The following ANAPC10 variants were observed in gnomAD, a reference collection of about 807,000 sequenced individuals.
ANAPC10 encodes the protein anaphase promoting complex subunit 10.
In ANAPC10, 12 loss-of-function variants were observed where a neutral mutation model predicts 22.0. That is an observed-to-expected ratio of 0.55 (90% CI 0.35 to 0.88). The LOEUF (loss-of-function observed/expected upper bound fraction) is 0.88, where lower values mean the gene tolerates loss of function less well. Among genes scored for constraint, ANAPC10 ranks in the 40% least tolerant of loss-of-function variants. The probability of loss-of-function intolerance (pLI) is 0.01; values close to 1 mark genes in which losing one functional copy is unlikely to be tolerated. For synonymous variants in ANAPC10, 65 were observed against 69.5 expected, an observed-to-expected ratio of 0.94 and a Z score of 0.32; for missense variants, 188 against 220.9, an observed-to-expected ratio of 0.85 and a Z score of 0.94.
intron 4 of ANAPC10, among the ~76,000 whole-genome samples, chr4:145,041,996 A>G (rs975476642): frequency 2.0e-5 from 3 of 152,150 alleles, no homozygotes; most frequent in African/African-American, 7.2e-5. Flanking sequence ...AAAAACAAAA[A>G]ATGTTGAATA....
intron 4 of ANAPC10, among the ~76,000 whole-genome samples, chr4:145,024,089 A>G (rs758332962): frequency 6.6e-6 from 1 of 152,220 alleles, no homozygotes; most frequent in Non-Finnish European, 1.5e-5. Context: ...GCTCATCAAT[A>G]AGATGCAACT....
intron 2 of ANAPC10, among the ~76,000 whole-genome samples, chr4:145,094,414 T>C (rs1748175186): frequency 6.6e-6 from 1 of 152,314 alleles, no homozygotes; most frequent in African/African-American, 2.4e-5. Context: ...GCTGCTTATA[T>C]GACTGTACAT....
chr4:145,083,277 A>G (rs1405439195), intron 2 of ANAPC10, among the ~76,000 whole-genome samples: 1 of 152,076 alleles, frequency 6.6e-6, no homozygotes, highest in African/African-American at 2.4e-5. Context: ...CAGCTTCCAT[A>G]TTTTTTAAGG....
intron 4 of ANAPC10, among the ~76,000 whole-genome samples, chr4:145,054,632 T>TGG (rs1741700040): frequency 9.1e-6 from 1 of 110,032 alleles, no homozygotes. Context: ...TGTGTGTGTG[T>TGG]GTGTGTGTGC....
At chr4:145,052,849 C>T (rs1741332196) in intron 4 of ANAPC10, among the ~76,000 whole-genome samples, 1 of 148,896 alleles carries the variant, frequency 6.7e-6, no homozygotes, top group Admixed American at 6.7e-5. Context: ...GATTGCACCA[C>T]TGCACTCCTG....
Position 144,995,220 on chromosome 4 carries a change from C to T in ANAPC10, c.*153G>A. ...TTAAAGAAAATAAAGATAATATGACCCCAAATTTATTTGTCAAAGTTACAA... is the reference window on the plus strand; with the variant it reads ...TTAAAGAAAATAAAGATAATATGACTCCAAATTTATTTGTCAAAGTTACAA... On this transcript the variant is annotated 3_prime_UTR_variant, in exon 5 of 5. Coordinates refer to ENST00000507656, the MANE Select transcript of ANAPC10 (RefSeq NM_001256706.2). The T allele has an allele frequency of 2.2e-6, 1 of 457,608 alleles. No homozygotes were observed. Among genetic ancestry groups the T allele is most frequent in the Non-Finnish European group, 3.7e-6 (1 of 267,546 alleles). 28.3% of individuals were successfully genotyped at this position (457,608 alleles called of 1,614,324 possible).
chr4:144,995,445 T>A lies in ANAPC10; in HGVS notation c.486A>T (p.Val162=), dbSNP rs769297785. 6.2e-7 allele frequency: 1 copy of A among 1,613,750 alleles called. No individual in the cohort carries two copies. The highest frequency in any genetic ancestry group is 1.3e-5 in the African/African-American group (1 of 75,030). ...GAAATTTACCAATGGAGCTCTCTTC[T>A]ACTGGTGTGTATATTTTAATTTGTC... ...HMRQIKIYTP[V]EESSIGKFPR... The change falls in exon 5 of 5, where the codon GTA becomes GTT. Residue 162 remains valine, a synonymous_variant. Transcript: ENST00000507656.
At chr4:145,065,340 TAATAATC>T (rs1743525342) in intron 3 of ANAPC10, among the ~76,000 whole-genome samples, 1 of 151,998 alleles carries the variant, frequency 6.6e-6, no homozygotes, top group South Asian at 2.1e-4. Context: ...GTTCAACGTC[TAATAATC>T]AAAGAAAGAG....
chr4:145,016,582 G>A (rs1735185093), intron 4 of ANAPC10, among the ~76,000 whole-genome samples: 1 of 152,152 alleles, frequency 6.6e-6, no homozygotes, highest in Non-Finnish European at 1.5e-5. Flanking sequence ...TCCACATCAA[G>A]CTACCAATGA....
At chr4:145,074,107 C>G (rs909667965) in intron 3 of ANAPC10, among the ~76,000 whole-genome samples, 1 of 151,330 alleles carries the variant, frequency 6.6e-6, no homozygotes, top group Non-Finnish European at 1.5e-5. Context: ...AGAATTAGCC[C>G]TTTACAAACA....
chr4:145,031,190 G>C (rs1459740616), intron 4 of ANAPC10, among the ~76,000 whole-genome samples: 1 of 152,100 alleles, frequency 6.6e-6, no homozygotes, highest in Non-Finnish European at 1.5e-5. Flanking sequence ...AATCTTATTC[G>C]AAGAGACCTT....
At chr4:145,048,747 TA>T (rs1220761229) in intron 4 of ANAPC10, among the ~76,000 whole-genome samples, 86 of 144,312 alleles carry the variant, frequency 6.0e-4, no homozygotes, top group African/African-American at 4.8e-4. Context: ...AGCCCCAATT[TA>T]AAAAAAAAAA....
chr4:145,049,626 C>G (rs1740813755), intron 4 of ANAPC10, among the ~76,000 whole-genome samples: 1 of 152,136 alleles, frequency 6.6e-6, no homozygotes, highest in South Asian at 2.1e-4. Flanking sequence ...GTAGCCCATG[C>G]TGAAGTGCAA....
At chr4:145,028,169 T>C (rs1737031254) in intron 4 of ANAPC10, among the ~76,000 whole-genome samples, 2 of 152,188 alleles carry the variant, frequency 1.3e-5, no homozygotes, top group South Asian at 2.1e-4. Flanking sequence ...TGTGTGTGTG[T>C]TGCCAAAAGA....
intron 2 of ANAPC10, among the ~76,000 whole-genome samples, chr4:145,092,724 C>A (rs1747876591): frequency 6.6e-6 from 1 of 152,072 alleles, no homozygotes; most frequent in Admixed American, 6.6e-5. Context: ...AGGGGACTGA[C>A]CACCAGTGAA....
chr4:145,056,847 A>G (rs1742140346), intron 4 of ANAPC10, among the ~76,000 whole-genome samples: 1 of 152,178 alleles, frequency 6.6e-6, no homozygotes, highest in Non-Finnish European at 1.5e-5. Flanking sequence ...TTTCATTTTC[A>G]TAAGTAAAAT....
chr4:145,093,605 G>A (rs1176608550), intron 2 of ANAPC10, among the ~76,000 whole-genome samples: 1 of 151,310 alleles, frequency 6.6e-6, no homozygotes, highest in South Asian at 2.1e-4. Flanking sequence ...TAGATGAAAT[G>A]TGTTAACAGA....
chr4:145,065,445 G>A (rs2126476406), intron 3 of ANAPC10, among the ~76,000 whole-genome samples: 1 of 152,058 alleles, frequency 6.6e-6, no homozygotes, highest in East Asian at 1.9e-4. Context: ...TTAGAAAAAG[G>A]TGCTTTCATC....
At chr4:145,056,387 T>C (rs1742077610) in intron 4 of ANAPC10, among the ~76,000 whole-genome samples, 1 of 152,148 alleles carries the variant, frequency 6.6e-6, no homozygotes, top group African/African-American at 2.4e-5. Context: ...CCACCCCTTG[T>C]TTAGCATATC....
Sources: gnomAD v4.1 joint callset for allele counts (sites outside exome capture counted in the v4.1 genomes callset) on GRCh38, gnomAD v4.1.1 for gene constraint, MANE v1.5 for transcripts, NCBI Gene and HGNC (gene_info 2026-07-23, HGNC 2026-07-21) for gene names.